The following DPP6 variants were observed in gnomAD, a reference collection of about 807,000 sequenced individuals.
DPP6 encodes the protein A-type potassium channel modulatory protein DPP6.
A neutral mutation model predicts 122.6 loss-of-function variants in DPP6; 69 were observed. That is an observed-to-expected ratio of 0.56 (90% CI 0.46 to 0.69). The LOEUF is 0.69. Among genes scored for constraint, DPP6 ranks in the 30% least tolerant of loss-of-function variants. DPP6 has a pLI of 0.00. For synonymous variants in DPP6, 418 were observed against 433.1 expected, an observed-to-expected ratio of 0.97 and a Z score of 0.43; for missense variants, 928 against 1,116.9, an observed-to-expected ratio of 0.83 and a Z score of 2.41.
chr7:154,716,315 T>TC (rs1244216807), intron 7 of DPP6, among the ~76,000 whole-genome samples: 1 of 152,128 alleles, frequency 6.6e-6, no homozygotes, highest in Non-Finnish European at 1.5e-5. Flanking sequence ...GCCTGACCTG[T>TC]CCCCCACTCT....
At chr7:154,067,365 C>G (rs1457823459) in intron 1 of DPP6, among the ~76,000 whole-genome samples, 3 of 144,580 alleles carry the variant, frequency 2.1e-5, no homozygotes, top group Non-Finnish European at 4.5e-5. Context: ...CTGGGAGATT[C>G]GATGATTAGG....
intron 1 of DPP6, chr7:153,968,838 T>C (rs1795881051): frequency 6.6e-6 from 1 of 151,836 alleles, no homozygotes; most frequent in Non-Finnish European, 1.5e-5. Flanking sequence ...TATCATTCCA[T>C]ATAAGTGGAA....
In DPP6 at chr7:153,960,459, T is replaced by C. The variant is rs532016342; in HGVS notation, c.51+72725T>C. Among the ~76,000 whole-genome samples the C allele has an allele frequency of 2.6e-5, 4 of 152,272 alleles. No individual in the cohort carries two copies. The South Asian group carries it at 8.3e-4, about 32-fold the overall frequency. ...CTTGTAGGAAAAAGCTGTAGGAATG[T>C]GCTCTTCACCTTCCTGCAAAAGATT... On this transcript the variant is annotated intron_variant, in intron 1 of 25. Transcript: ENST00000404039.
At chr7:154,436,010 C>T (rs1401174042) in intron 1 of DPP6, among the ~76,000 whole-genome samples, 1 of 152,058 alleles carries the variant, frequency 6.6e-6, no homozygotes, top group African/African-American at 2.4e-5. Flanking sequence ...TTTTAAGGCA[C>T]AGTGGGAGAA....
intron 5 of DPP6, among the ~76,000 whole-genome samples, chr7:154,620,689 C>T (rs539171667): frequency 1.2e-4 from 18 of 152,292 alleles, no homozygotes; most frequent in Admixed American, 7.2e-4. Flanking sequence ...GGTGATGTTA[C>T]GAGCTGTAAC....
At chr7:154,533,497 A>G (rs1352536637) in intron 3 of DPP6, among the ~76,000 whole-genome samples, 4 of 152,224 alleles carry the variant, frequency 2.6e-5, no homozygotes, top group South Asian at 4.1e-4. Flanking sequence ...AATTAATTCT[A>G]TCAAATATTT....
chr7:154,361,049 A>G (rs1201784159), intron 1 of DPP6, among the ~76,000 whole-genome samples: 1 of 152,120 alleles, frequency 6.6e-6, no homozygotes, highest in African/African-American at 2.4e-5. Context: ...GGCCTATGAG[A>G]AGATTTCAGC....
chr7:154,546,317 T>G (rs1333849115), intron 4 of DPP6, among the ~76,000 whole-genome samples: 3 of 152,106 alleles, frequency 2.0e-5, no homozygotes, highest in Admixed American at 6.5e-5. Context: ...TTTTCTAGTG[T>G]GGTGATTTCC....
At chr7:154,098,768 A>G (rs1585374254) in intron 1 of DPP6, among the ~76,000 whole-genome samples, 1 of 152,014 alleles carries the variant, frequency 6.6e-6, no homozygotes, top group South Asian at 2.1e-4. Flanking sequence ...GGGAGCCTCC[A>G]TGATCGCTAC....
chr7:154,109,028 G>A (rs1265362400), intron 1 of DPP6, among the ~76,000 whole-genome samples: 1 of 152,212 alleles, frequency 6.6e-6, no homozygotes, highest in Non-Finnish European at 1.5e-5. Flanking sequence ...TGTCATGGGG[G>A]TTTGTTGAAC....
intron 1 of DPP6, among the ~76,000 whole-genome samples, chr7:153,928,396 A>ATTTTTTT (rs71182854): frequency 0.082 from 3,572 of 43,538 alleles, 845 homozygotes; most frequent in Middle Eastern, 0.11. Context: ...CTTTTCTTTC[A>ATTTTTTT]TTTTTTTTTT....
chr7:153,887,794 T>TA, intron 1 of DPP6: 1 of 1,586,350 alleles, frequency 6.3e-7, no homozygotes, highest in African/African-American at 1.3e-5. Flanking sequence ...GGAGCGATGC[T>TA]GGGGGAGGTC....
At chr7:154,351,000 T>A (rs902119410) in intron 1 of DPP6, among the ~76,000 whole-genome samples, 4 of 152,170 alleles carry the variant, frequency 2.6e-5, no homozygotes, top group Non-Finnish European at 5.9e-5. Context: ...CCCATTGGAC[T>A]GTAGGTTCTG....
At chr7:154,057,079 C>G (rs930080887) in intron 1 of DPP6, among the ~76,000 whole-genome samples, 9 of 152,306 alleles carry the variant, frequency 5.9e-5, no homozygotes, top group East Asian at 1.9e-4. Flanking sequence ...TCCCAGTGGC[C>G]CCTACAAAGT....
At chr7:154,395,857 C>A (rs1480380208) in intron 1 of DPP6, among the ~76,000 whole-genome samples, 2 of 150,670 alleles carry the variant, frequency 1.3e-5, no homozygotes, top group Non-Finnish European at 3.0e-5. Context: ...ATATTTCAGT[C>A]TTTTGTCATT....
Position 154,855,096 on chromosome 7 carries a change from C to T in DPP6, c.1714+1269C>T, listed in dbSNP as rs141160726. 4.8e-4 allele frequency among the ~76,000 whole-genome samples: 73 copies of T among 152,136 alleles called. No homozygotes were observed. The East Asian group carries it at 6.8e-3, about 14-fold the overall frequency. ...CAAGCTCCAGGAGAACTGGAGGCGG[C>T]GGCGGTGAGGCGCATGTTGGAAAGG... On this transcript the variant is annotated intron_variant, in intron 17 of 25. Coordinates refer to ENST00000377770, the MANE Select transcript of DPP6 (RefSeq NM_130797.4).
rs542422445 is a variant in DPP6, at chr7:154,153,929, C to T, written c.243+100866C>T. Among the ~76,000 whole-genome samples the T allele has an allele frequency of 3.3e-3, 507 of 152,296 alleles. 3 individuals are homozygous for T. The highest frequency in any genetic ancestry group is 0.011 in the African/African-American group (465 of 41,566). ...GGTGGCAAACTCTCAAACCCAATGA[C>T]ACCAACAGTATCTTTGGTTAGAGCA... On this transcript the variant is annotated intron_variant, in intron 1 of 25. Coordinates refer to ENST00000377770, the MANE Select transcript of DPP6 (RefSeq NM_130797.4).
intron 1 of DPP6, among the ~76,000 whole-genome samples, chr7:154,059,939 A>G (rs1232828019): frequency 6.6e-6 from 1 of 152,012 alleles, no homozygotes; most frequent in Non-Finnish European, 1.5e-5. Context: ...AAACCTGAAC[A>G]TAAAGGGCCC....
intron 16 of DPP6, among the ~76,000 whole-genome samples, chr7:154,848,571 T>G (rs1289383700): frequency 1.3e-5 from 2 of 152,256 alleles, no homozygotes; most frequent in Non-Finnish European, 2.9e-5. Flanking sequence ...TAGCCCCTTA[T>G]GTGATATATG....
Sources: gnomAD v4.1 joint callset for allele counts (sites outside exome capture counted in the v4.1 genomes callset) on GRCh38, gnomAD v4.1.1 for gene constraint, MANE v1.5 for transcripts, NCBI Gene and HGNC (gene_info 2026-07-23, HGNC 2026-07-21) for gene names.